Variants in RARB observed in about 807,000 individuals in gnomAD.
RARB encodes the protein retinoic acid receptor beta.
A neutral mutation model predicts 51.9 loss-of-function variants in RARB; 17 were observed. The ratio of observed to expected loss-of-function variants is 0.33; its 90% CI spans 0.22 to 0.49. RARB has a LOEUF of 0.49. Among genes scored for constraint, RARB ranks in the 20% least tolerant of loss-of-function variants. The probability of loss-of-function intolerance (pLI) is 0.99; values close to 1 mark genes in which losing one functional copy is unlikely to be tolerated. For synonymous variants in RARB, 215 were observed against 195.4 expected (o/e 1.10, Z -0.84); for missense variants, 369 against 550.8 (o/e 0.67, Z 3.30).
intron 5 of RARB, among the ~76,000 whole-genome samples, chr3:25,375,543 C>T (rs1332631559): frequency 6.6e-6 from 1 of 152,138 alleles, no homozygotes; most frequent in African/African-American, 2.4e-5. Flanking sequence ...TGAAGAAGTA[C>T]TCTTTTACCA....
At chr3:25,466,869 G>T (rs1224946574) in intron 2 of RARB, among the ~76,000 whole-genome samples, 1 of 152,190 alleles carries the variant, frequency 6.6e-6, no homozygotes, top group Non-Finnish European at 1.5e-5. Flanking sequence ...GTTTACAAAA[G>T]CAGTGGACCA....
intron 2 of RARB, among the ~76,000 whole-genome samples, chr3:24,898,570 G>A (rs116116275): frequency 0.024 from 3,581 of 152,202 alleles, 80 homozygotes; most frequent in Middle Eastern, 0.075. Context: ...TGGAAGGCAC[G>A]ATGCCCACAT....
intron 3 of RARB, among the ~76,000 whole-genome samples, chr3:25,506,375 A>T (rs1575469920): frequency 1.3e-5 from 2 of 151,926 alleles, no homozygotes. Flanking sequence ...TGAGAAGGAG[A>T]TGGGAGGATC....
At chr3:25,332,051 A>C (rs1704913509) in intron 5 of RARB, among the ~76,000 whole-genome samples, 1 of 152,166 alleles carries the variant, frequency 6.6e-6, no homozygotes, top group Non-Finnish European at 1.5e-5. Context: ...CCAACCAAAA[A>C]AAGTTCAGGA....
At chr3:24,915,813 A>G (rs77842843) in intron 2 of RARB, among the ~76,000 whole-genome samples, 2,288 of 152,236 alleles carry the variant, frequency 0.015, 35 homozygotes, top group South Asian at 0.087. Flanking sequence ...GTAGGTGACC[A>G]TTAAGCTGTG....
At chr3:25,120,553 C>CTCTCTCTCTCGA (rs1298598825) in intron 3 of RARB, among the ~76,000 whole-genome samples, 4 of 151,744 alleles carry the variant, frequency 2.6e-5, no homozygotes, top group African/African-American at 9.7e-5. Context: ...CTCTCTCTCT[C>CTCTCTCTCTCGA]TCTCTCTCTC....
intron 1 of RARB, among the ~76,000 whole-genome samples, chr3:25,460,428 T>TTTTATTTGTTTATTTA (rs1695119592): frequency 6.9e-6 from 1 of 145,582 alleles, no homozygotes; most frequent in African/African-American, 2.5e-5. Flanking sequence ...ATTTTAAAAT[T>TTTTATTTGTTTATTTA]TTTATTTATT....
At chr3:25,494,251 ACG>A (rs1553623165) in intron 2 of RARB, among the ~76,000 whole-genome samples, 2 of 77,096 alleles carry the variant, frequency 2.6e-5, no homozygotes, top group African/African-American at 2.0e-4. Flanking sequence ...GCTGTATCTT[ACG>A]CACACACACA....
At chr3:25,215,804 C>A (rs896438707) in intron 5 of RARB, among the ~76,000 whole-genome samples, 7 of 152,104 alleles carry the variant, frequency 4.6e-5, no homozygotes, top group Non-Finnish European at 1.0e-4. Flanking sequence ...AGGATCAGGA[C>A]TCTTCTCTGG....
chr3:25,019,490 T>C (rs757625123), intron 2 of RARB, among the ~76,000 whole-genome samples: 8 of 152,180 alleles, frequency 5.3e-5, no homozygotes, highest in Non-Finnish European at 5.9e-5. Flanking sequence ...CCCTTTTTTT[T>C]TTCTTCACGG....
chr3:25,058,012 T>C (rs1030657610), intron 2 of RARB, among the ~76,000 whole-genome samples: 2 of 151,938 alleles, frequency 1.3e-5, no homozygotes, highest in African/African-American at 4.8e-5. Context: ...CAAACCAATA[T>C]TGAATTATGT....
At chr3:25,263,536 A>G (rs1386064249) in intron 5 of RARB, among the ~76,000 whole-genome samples, 2 of 152,170 alleles carry the variant, frequency 1.3e-5, no homozygotes, top group African/African-American at 4.8e-5. Context: ...TCATGGGTTT[A>G]AGAAGAGAAC....
At chr3:24,993,668 C>T (rs1052526652) in intron 2 of RARB, among the ~76,000 whole-genome samples, 2 of 152,032 alleles carry the variant, frequency 1.3e-5, no homozygotes, top group Non-Finnish European at 2.9e-5. Context: ...CTTCCCTTCC[C>T]CCAACCTTCT....
At chr3:25,348,977 T>G (rs1041216280) in intron 5 of RARB, among the ~76,000 whole-genome samples, 11 of 152,166 alleles carry the variant, frequency 7.2e-5, no homozygotes, top group Non-Finnish European at 8.8e-5. Flanking sequence ...GGTTGCATTC[T>G]CCCCCAGATC....
At chr3:25,204,811 C>T (rs575691343) in intron 5 of RARB, among the ~76,000 whole-genome samples, 27 of 152,264 alleles carry the variant, frequency 1.8e-4, no homozygotes, top group African/African-American at 5.3e-4. Flanking sequence ...AGTACCCAGC[C>T]GTGTGACGTG....
At chr3:25,554,892 C>T (rs1475003682) in intron 3 of RARB, among the ~76,000 whole-genome samples, 1 of 152,136 alleles carries the variant, frequency 6.6e-6, no homozygotes, top group Non-Finnish European at 1.5e-5. Context: ...CAGCCCACGT[C>T]TCTCTTCCAC....
chr3:25,316,147 T>G (rs9844533), intron 5 of RARB, among the ~76,000 whole-genome samples: 81,273 of 151,484 alleles, frequency 0.54, 22,329 homozygotes, highest in East Asian at 0.88. Context: ...GCTTTTTTTA[T>G]GAGGCACCTT....
At chr3:25,335,564 A>G (rs967477469) in intron 5 of RARB, among the ~76,000 whole-genome samples, 1 of 152,162 alleles carries the variant, frequency 6.6e-6, no homozygotes. Context: ...TCCATTGTGC[A>G]GTCACCTCTT....
chr3:25,548,283 T>C (rs1441977956), intron 3 of RARB, among the ~76,000 whole-genome samples: 1 of 152,146 alleles, frequency 6.6e-6, no homozygotes, highest in African/African-American at 2.4e-5. Flanking sequence ...TGGCTCCAGA[T>C]TGATTTTTAT....
Sources: allele counts gnomAD v4.1 joint callset (sites outside exome capture counted in the v4.1 genomes callset), GRCh38; gene constraint gnomAD v4.1.1; transcripts MANE v1.5; gene names NCBI Gene and HGNC (gene_info 2026-07-23, HGNC 2026-07-21).